SEM1: variants seen among roughly 807,000 people sequenced by gnomAD.
The protein encoded by SEM1 is 26S proteasome complex subunit SEM1.
In SEM1, 3 loss-of-function variants were observed where a neutral mutation model predicts 12.7. That is an observed-to-expected ratio of 0.24 (90% CI 0.11 to 0.61). The LOEUF (loss-of-function observed/expected upper bound fraction) is 0.61, where lower values mean the gene tolerates loss of function less well. SEM1 is among the 20% of genes least tolerant of loss of function. The pLI is 0.88. For missense variants in SEM1, 59 were observed against 81.3 expected (o/e 0.73, Z 1.06); for synonymous variants, 30 against 27.8 (o/e 1.08, Z -0.25).
chr7:96,493,347 A>C lies in SEM1; in HGVS notation c.12+2937T>G, dbSNP rs140838520. The stretch of plus-strand genomic sequence containing the variant: ...TTTTTCGAAAATGCATTTCCTATCC[A>C]AGTTACCAACTTTCTCATTTCTCGG... On this transcript the variant is annotated intron_variant, in intron 1 of 3. Transcript: ENST00000356686. 1.7e-3 allele frequency among the ~76,000 whole-genome samples: 260 copies of C among 151,926 alleles called. 1 individual carries two copies. The highest frequency in any genetic ancestry group is 6.1e-3 in the African/African-American group (252 of 41,462).
intron 2 of SEM1, chr7:96,646,083 C>T (rs998738433): frequency 7.9e-5 from 31 of 394,316 alleles, no homozygotes; most frequent in Non-Finnish European, 1.3e-4. Context: ...GTACCTCTTT[C>T]CTAAGATGTA....
At chr7:96,687,715 A>G (rs1479428171), downstream of SEM1, among the ~76,000 whole-genome samples, 1 of 152,084 alleles carries the variant, frequency 6.6e-6, no homozygotes, top group Non-Finnish European at 1.5e-5. Context: ...GCACACCAGC[A>G]TGGCACATGT....
intron 2 of SEM1, among the ~76,000 whole-genome samples, chr7:96,507,491 G>T (rs1803791639): frequency 6.6e-6 from 1 of 151,950 alleles, no homozygotes; most frequent in African/African-American, 2.4e-5. Flanking sequence ...CAGCCTCTTT[G>T]CCTACATGAC....
chr7:96,693,929 T>C (rs113779550), intron 2 of SEM1, among the ~76,000 whole-genome samples: 2,177 of 152,044 alleles, frequency 0.014, 43 homozygotes, highest in African/African-American at 0.05. Context: ...CTGATGAATG[T>C]ATAAAACGTG....
chr7:96,616,039 T>C (rs1807709875), intron 2 of SEM1, among the ~76,000 whole-genome samples: 1 of 152,226 alleles, frequency 6.6e-6, no homozygotes, highest in Non-Finnish European at 1.5e-5. Flanking sequence ...TATAATTTCT[T>C]TCCCATTGAG....
At chr7:96,603,395 G>A (rs796742728) in intron 2 of SEM1, among the ~76,000 whole-genome samples, 4 of 152,278 alleles carry the variant, frequency 2.6e-5, no homozygotes, top group African/African-American at 9.6e-5. Flanking sequence ...ATTGACTCAT[G>A]GAGTGGCAGT....
At chr7:96,587,652 T>TG (rs1340867393) in intron 2 of SEM1, among the ~76,000 whole-genome samples, 4 of 86,548 alleles carry the variant, frequency 4.6e-5, no homozygotes, top group African/African-American at 6.5e-5. Context: ...AAGACTTTCT[T>TG]GTTTTTTTTT....
At chr7:96,525,260 CT>C (rs11341570) in intron 2 of SEM1, among the ~76,000 whole-genome samples, 48,127 of 144,830 alleles carry the variant, frequency 0.33, 8,135 homozygotes, top group East Asian at 0.73. Context: ...GTCCTGACTC[CT>C]TTTTTTTTTT....
intron 1 of SEM1, among the ~76,000 whole-genome samples, chr7:96,700,117 G>A (rs1373237492): frequency 6.6e-6 from 1 of 152,152 alleles, no homozygotes; most frequent in Non-Finnish European, 1.5e-5. Flanking sequence ...ATAAATGGCA[G>A]CTAATACCAT....
intron 2 of SEM1, among the ~76,000 whole-genome samples, chr7:96,617,073 T>G (rs868235812): frequency 4.1e-4 from 63 of 152,154 alleles, no homozygotes; most frequent in African/African-American, 1.4e-3. Flanking sequence ...TTTTTTCTAA[T>G]TCTCTGAAAA....
rs780534657 is a variant in SEM1, at chr7:96,688,981, A to G, written c.171-15T>C. 6.7e-7 allele frequency: 1 copy of G among 1,491,282 alleles called. No individual in the cohort carries two copies. Among genetic ancestry groups the G allele is most frequent in the South Asian group, 1.1e-5 (1 of 87,992 alleles). 92.4% of individuals were successfully genotyped at this position (1,491,282 alleles called of 1,614,324 possible). On this transcript the variant is annotated splice_polypyrimidine_tract_variant and intron_variant, in intron 2 of 2. Coordinates refer to ENST00000248566, the MANE Select transcript of SEM1 (RefSeq NM_006304.2). ...CTAGTTCAGCTCTAAGATAAAACAG[A>G]AAGAACATCACTAGGTATTCTTTAT...
At chr7:96,579,505 A>G (rs1208097966) in intron 2 of SEM1, among the ~76,000 whole-genome samples, 1 of 152,248 alleles carries the variant, frequency 6.6e-6, no homozygotes, top group Non-Finnish European at 1.5e-5. Flanking sequence ...GTATCTACAT[A>G]TGATGACCAG....
chr7:96,663,824 T>C (rs1789083171), intron 2 of SEM1, among the ~76,000 whole-genome samples: 1 of 151,884 alleles, frequency 6.6e-6, no homozygotes, highest in Admixed American at 6.6e-5. Flanking sequence ...GTCAAACAAA[T>C]ATAGAATTAA....
chr7:96,657,431 A>G (rs1563100714), intron 2 of SEM1, among the ~76,000 whole-genome samples: 1 of 152,194 alleles, frequency 6.6e-6, no homozygotes, highest in Non-Finnish European at 1.5e-5. Flanking sequence ...TCACTCTTTC[A>G]GATTTGGGTT....
chr7:96,519,773 G>C (rs925744285), intron 2 of SEM1, among the ~76,000 whole-genome samples: 5 of 152,056 alleles, frequency 3.3e-5, no homozygotes, highest in Non-Finnish European at 5.9e-5. Flanking sequence ...AAAAGGTAAA[G>C]GTGTGTATAG....
intron 2 of SEM1, among the ~76,000 whole-genome samples, chr7:96,580,280 C>G (rs945146628): frequency 6.7e-6 from 1 of 148,388 alleles, no homozygotes; most frequent in Non-Finnish European, 1.5e-5. Flanking sequence ...TCATCCATGT[C>G]CCTACAAAGG....
intron 2 of SEM1, among the ~76,000 whole-genome samples, chr7:96,530,462 G>A (rs541229484): frequency 9.9e-5 from 15 of 152,094 alleles, no homozygotes; most frequent in Non-Finnish European, 1.8e-4. Context: ...GGAAGTGGTT[G>A]TAAGAAGTCT....
In SEM1 at chr7:96,667,639, C is replaced by T. The variant is rs114064638; in HGVS notation, c.170+27159G>A. On this transcript the variant is annotated intron_variant, in intron 2 of 2. Transcript: ENST00000417009. ...TTCTCTAGGGTTACTGAGCCACATA[C>T]TCAATTGCCTTAGTGCTGGCAGATG... is the stretch of plus-strand genomic sequence containing the variant. Among the ~76,000 whole-genome samples the T allele has an allele frequency of 5.0e-3, 760 of 152,280 alleles. 8 individuals carry two copies. The highest frequency in any genetic ancestry group is 0.017 in the African/African-American group (724 of 41,546).
chr7:96,600,684 G>A (rs912464815), intron 2 of SEM1, among the ~76,000 whole-genome samples: 5 of 152,110 alleles, frequency 3.3e-5, no homozygotes, highest in Admixed American at 6.6e-5. Flanking sequence ...TTAAAGCAAC[G>A]GTAATGACAT....
Sources: gnomAD v4.1 joint callset for allele counts (sites outside exome capture counted in the v4.1 genomes callset) on GRCh38, gnomAD v4.1.1 for gene constraint, MANE v1.5 for transcripts, NCBI Gene and HGNC (gene_info 2026-07-23, HGNC 2026-07-21) for gene names.